The following ERICH1 variants were observed in gnomAD, a reference collection of about 807,000 sequenced individuals.
ERICH1 encodes the protein glutamate rich 1.
In ERICH1, 56 loss-of-function variants were observed where a neutral mutation model predicts 39.6. The observed-to-expected ratio is 1.41, with a 90% CI of 1.14 to 1.77. The LOEUF (loss-of-function observed/expected upper bound fraction) is 1.77. Ranked by LOEUF, ERICH1 falls within the 40% of genes most tolerant of loss-of-function variation. The pLI is 0.00. For synonymous variants in ERICH1, 313 were observed against 223.6 expected (o/e 1.40, Z -3.57); for missense variants, 826 against 575.4 (o/e 1.44, Z -4.45).
rs150311809 is a variant in ERICH1, at chr8:712,857, T to C, written c.169+3004A>G. 3.0e-3 allele frequency among the ~76,000 whole-genome samples: 458 copies of C among 152,376 alleles called. 1 individual carries two copies. Among genetic ancestry groups the C allele is most frequent in the African/African-American group, 9.9e-3 (413 of 41,594 alleles). On this transcript the variant is annotated intron_variant, in intron 2 of 5. Coordinates refer to ENST00000262109, the MANE Select transcript of ERICH1 (RefSeq NM_207332.3). ...TTGCTTCTTTCAGATTTTCATTACCTGCTTTTTCTTTAAAAACTTTGTTAT... is the reference window on the plus strand; with the variant it reads ...TTGCTTCTTTCAGATTTTCATTACCCGCTTTTTCTTTAAAAACTTTGTTAT...
At chr8:636,229 G>T (rs954334573) in intron 3 of ERICH1, among the ~76,000 whole-genome samples, 25 of 152,248 alleles carry the variant, frequency 1.6e-4, no homozygotes, top group Non-Finnish European at 1.5e-5. Flanking sequence ...CCATGGCCCT[G>T]AGCCGAGCTG....
intron 2 of ERICH1, among the ~76,000 whole-genome samples, chr8:714,897 A>G (rs909827834): frequency 7.7e-6 from 1 of 130,346 alleles, no homozygotes; most frequent in African/African-American, 2.9e-5. Context: ...TGTGCTGCAC[A>G]GAGGTGACCT....
At chr8:716,104 A>G in intron 1 of ERICH1, 97 bp from the exon 2 acceptor site, 2 of 1,408,028 alleles carry the variant, frequency 1.4e-6, no homozygotes, top group Non-Finnish European at 9.4e-7. Context: ...AAACACACAC[A>G]TCCTGAAAGC....
At position 699,831 on chromosome 8, in the gene ERICH1, C is replaced by CTGCACAGG. The variant is rs1289170779; in HGVS notation, c.170-7220_170-7219insCCTGTGCA. Among the ~76,000 whole-genome samples, 281 of 82,624 alleles carry CTGCACAGG rather than the reference C, an allele frequency of 3.4e-3. 3 individuals carry two copies. Among genetic ancestry groups the CTGCACAGG allele is most frequent in the African/African-American group, 9.8e-3 (259 of 26,352 alleles). 54.2% of individuals were successfully genotyped at this position (82,624 alleles called of 152,430 possible). ...CACAGATCCGCACAAGCGCACAGAC[C>CTGCACAGG]CGCACAGGCGCACAGACCCGCACAC... On this transcript the variant is annotated intron_variant, in intron 2 of 5. Transcript: ENST00000262109.
At chr8:643,059 G>A (rs1372797902) in intron 3 of ERICH1, among the ~76,000 whole-genome samples, 1 of 152,172 alleles carries the variant, frequency 6.6e-6, no homozygotes, top group Non-Finnish European at 1.5e-5. Flanking sequence ...ACATGGATAA[G>A]CACCCCGCCC....
chr8:686,065 C>T (rs1387913725), intron 3 of ERICH1, among the ~76,000 whole-genome samples: 2 of 151,072 alleles, frequency 1.3e-5, no homozygotes, highest in Non-Finnish European at 2.9e-5. Flanking sequence ...GAGGCTGAGG[C>T]AGGAGGGCGG....
intron 2 of ERICH1, among the ~76,000 whole-genome samples, chr8:702,805 G>T (rs1812449117): frequency 6.6e-6 from 1 of 152,224 alleles, no homozygotes; most frequent in Non-Finnish European, 1.5e-5. Context: ...GGACGCAGAG[G>T]GGCAGGGCGG....
chr8:684,054 A>C (rs1806757647), intron 3 of ERICH1, among the ~76,000 whole-genome samples: 1 of 152,266 alleles, frequency 6.6e-6, no homozygotes, highest in Non-Finnish European at 1.5e-5. Context: ...AAAAGTAGTT[A>C]GTGTCTCACC....
chr8:677,019 A>T (rs950032385), intron 3 of ERICH1, among the ~76,000 whole-genome samples: 1 of 152,224 alleles, frequency 6.6e-6, no homozygotes, highest in East Asian at 1.9e-4. Flanking sequence ...AAGCTCTTCA[A>T]AGCGGTTTCC....
intron 1 of ERICH1, among the ~76,000 whole-genome samples, chr8:728,053 T>G (rs993730951): frequency 6.6e-5 from 10 of 152,202 alleles, no homozygotes; most frequent in Admixed American, 6.5e-4. Context: ...CCCGCCTCCA[T>G]GAGGCTGTGG....
rs1800664649 is a variant in ERICH1 at position 656,360 on chromosome 8, C to T, written c.976+12238G>A. ...CTCTCCCCTTCCCCAAAATATCTGA[C>T]CCAGTGATTTTAACATCCGGATCGT... On this transcript the variant is annotated intron_variant, in intron 3 of 3. Coordinates refer to the ERICH1 transcript ENST00000522706. Among the ~76,000 whole-genome samples the T allele has an allele frequency of 1.3e-5, 2 of 152,164 alleles. 1 individual carries two copies. The highest frequency in any genetic ancestry group is 4.8e-5 in the African/African-American group (2 of 41,434).
chr8:616,502 C>A, intron 3 of ERICH1: 2 of 455,942 alleles, frequency 4.4e-6, no homozygotes, highest in Middle Eastern at 3.3e-4. Context: ...GAGCACTGCT[C>A]CCAGGAATTT....
chr8:651,165 G>A (rs1373279317), intron 3 of ERICH1, among the ~76,000 whole-genome samples: 1 of 152,214 alleles, frequency 6.6e-6, no homozygotes, highest in Non-Finnish European at 1.5e-5. Context: ...GACACTGCAA[G>A]TCAATGTCAG....
At chr8:622,263 G>A (rs935711317) in intron 3 of ERICH1, among the ~76,000 whole-genome samples, 1 of 152,110 alleles carries the variant, frequency 6.6e-6, no homozygotes, top group Non-Finnish European at 1.5e-5. Context: ...GCTATGGTCT[G>A]AATGTTTGTA....
intron 3 of ERICH1, chr8:616,360 C>A (rs1334481824): frequency 2.9e-6 from 1 of 343,064 alleles, no homozygotes; most frequent in African/African-American, 2.2e-5. Flanking sequence ...CTCCTGTCGG[C>A]CAGGTGTGGG....
intron 2 of ERICH1, among the ~76,000 whole-genome samples, chr8:710,279 C>T (rs1219796871): frequency 1.3e-5 from 2 of 152,122 alleles, no homozygotes; most frequent in Admixed American, 6.5e-5. Context: ...CCTGCTCCTC[C>T]CAGTCCTCGG....
chr8:648,520 A>T (rs1223543642), intron 3 of ERICH1, among the ~76,000 whole-genome samples: 1 of 64,828 alleles, frequency 1.5e-5, no homozygotes, highest in African/African-American at 3.9e-5. Context: ...AAAAAAAAAA[A>T]AAAGAATGTA....
Position 664,425 on chromosome 8 carries a change from C to A in ERICH1, c.*178G>T. On this transcript the variant is annotated 3_prime_UTR_variant, in exon 6 of 6. Transcript: ENST00000262109. Reference sequence around the variant, plus strand: ...AAATAAGTGAAAAATTTCCATTTTACCCCAATTTCTCATCTGAAGCCTCAG... The same window carrying A: ...AAATAAGTGAAAAATTTCCATTTTAACCCAATTTCTCATCTGAAGCCTCAG... 1 of 1,246,680 alleles carries A rather than the reference C, an allele frequency of 8.0e-7. No individual in the cohort carries two copies. Among genetic ancestry groups the A allele is most frequent in the Non-Finnish European group, 1.0e-6 (1 of 994,680 alleles). 77.2% of individuals were successfully genotyped at this position (1,246,680 alleles called of 1,614,324 possible).
intron 2 of ERICH1, among the ~76,000 whole-genome samples, chr8:706,804 C>T (rs1445701906): frequency 1.3e-5 from 2 of 152,036 alleles, no homozygotes; most frequent in Non-Finnish European, 2.9e-5. Flanking sequence ...GATAAAACTG[C>T]ACTCTGAAAA....
Sources: gnomAD v4.1 joint callset for allele counts (sites outside exome capture counted in the v4.1 genomes callset) on GRCh38, gnomAD v4.1.1 for gene constraint, MANE v1.5 for transcripts, NCBI Gene and HGNC (gene_info 2026-07-23, HGNC 2026-07-21) for gene names.